The following ACAD9 variants were observed in gnomAD, a reference collection of about 807,000 sequenced individuals.
The protein encoded by ACAD9 is acyl-CoA dehydrogenase family member 9.
Under a neutral mutation model 70.2 loss-of-function variants are expected in ACAD9, and 53 were observed. The ratio of observed to expected loss-of-function variants is 0.75; its 90% confidence interval spans 0.61 to 0.95. The LOEUF (loss-of-function observed/expected upper bound fraction) is 0.95, where lower values mean the gene tolerates loss of function less well. ACAD9 is among the 40% of genes least tolerant of loss of function. The pLI is 0.00. For missense variants in ACAD9, 777 were observed against 802.8 expected (o/e 0.97, Z 0.39); for synonymous variants, 313 against 312.1 (o/e 1.00, Z -0.03).
intron 1 of ACAD9, among the ~76,000 whole-genome samples, chr3:128,880,841 C>T (rs1295821444): frequency 6.6e-6 from 1 of 152,208 alleles, no homozygotes; most frequent in African/African-American, 2.4e-5. Flanking sequence ...AACACTTAGT[C>T]TTGTGACCTT....
intron 2 of ACAD9, among the ~76,000 whole-genome samples, chr3:128,887,717 G>T (rs1376623649): frequency 6.7e-6 from 1 of 149,632 alleles, no homozygotes; most frequent in African/African-American, 2.5e-5. Context: ...AGGAACAAAG[G>T]TCTCTTGGAA....
rs574477250 is a variant in ACAD9, at chr3:128,879,652, A to T, written c.-40A>T. On this transcript the variant is annotated 5_prime_UTR_variant, in exon 1 of 18. Coordinates refer to ENST00000308982, the MANE Select transcript of ACAD9 (RefSeq NM_014049.5). Reference sequence around the variant, plus strand: ...GTGTGTGTGTCCCTGCGGCGCTAAGAAGGGGAGACTGAGGCTGAGGCTGGG... The same window carrying T: ...GTGTGTGTGTCCCTGCGGCGCTAAGTAGGGGAGACTGAGGCTGAGGCTGGG... 1 of 1,602,794 alleles carries T rather than the reference A, an allele frequency of 6.2e-7. No homozygotes were observed. The highest frequency in any genetic ancestry group is 1.4e-5 in the African/African-American group (1 of 72,524).
chr3:128,910,338 G>A (rs1205124381), intron 16 of ACAD9, 189 bp downstream of exon 16: 2 of 1,473,930 alleles, frequency 1.4e-6, no homozygotes, highest in Non-Finnish European at 1.8e-6. Context: ...TCCTGACTGA[G>A]AGAAGAGGGG....
chr3:128,910,717 C>G, intron 16 of ACAD9, 24 bp from the exon 17 acceptor site: 1 of 1,613,968 alleles, frequency 6.2e-7, no homozygotes, highest in Non-Finnish European at 8.5e-7. Flanking sequence ...TTGGGCATAT[C>G]TTTTCTGTCC....
intron 12 of ACAD9, 140 bp from the exon 13 acceptor site, chr3:128,908,045 C>T (rs931520274): frequency 5.8e-5 from 48 of 827,178 alleles, no homozygotes; most frequent in Admixed American, 1.6e-4. Context: ...TGGCCAGAGC[C>T]CTGCTCCCAG....
At chr3:128,900,777 C>T (rs1935715840) in intron 7 of ACAD9, among the ~76,000 whole-genome samples, 1 of 152,092 alleles carries the variant, frequency 6.6e-6, no homozygotes, top group Admixed American at 6.6e-5. Flanking sequence ...GTCCATCCCT[C>T]CTCACAGTGG....
rs1286137677 is a variant in ACAD9, at chr3:128,892,483, T to A, written c.245-1072T>A. ...ATTTGATGCATACAAAAGTGTGCAA[T>A]TATAGGTCTAATGCTATGCTATTGA... On this transcript the variant is annotated intron_variant, in intron 2 of 17. Coordinates refer to ENST00000308982, the MANE Select transcript of ACAD9 (RefSeq NM_014049.5). Among the ~76,000 whole-genome samples the A allele has an allele frequency of 3.9e-5, 6 of 152,178 alleles. No individual in the cohort carries two copies. In the East Asian group the frequency reaches 1.2e-3, roughly 29 times the overall value.
chr3:128,897,858 T>G, intron 6 of ACAD9, 148 bp downstream of exon 6: 1 of 770,182 alleles, frequency 1.3e-6, no homozygotes, highest in Admixed American at 2.2e-5. Context: ...GTTTTTAATT[T>G]TTTTTAGTTT....
At chr3:128,910,222 G>C in intron 16 of ACAD9, 73 bp downstream of exon 16, 3 of 1,606,870 alleles carry the variant, frequency 1.9e-6, no homozygotes, top group Non-Finnish European at 2.5e-6. Context: ...GAAGTTGATT[G>C]TTGAGGAGGG....
Position 128,912,650 on chromosome 3 carries a change from G to T in ACAD9, c.*43G>T. ...CCTGCTACCGCCCGCCCCTACCCATGGCCCGTTGCTGGATGACTGTTACTC... is the reference window on the plus strand; with the variant it reads ...CCTGCTACCGCCCGCCCCTACCCATTGCCCGTTGCTGGATGACTGTTACTC... On this transcript the variant is annotated 3_prime_UTR_variant, in exon 18 of 18. Transcript: ENST00000308982. The T allele has an allele frequency of 6.6e-7, 1 of 1,509,944 alleles. No individual in the cohort carries two copies. 93.5% of individuals were successfully genotyped at this position (1,509,944 alleles called of 1,614,324 possible). A position where few individuals can be genotyped will look rare whatever the true frequency, so the allele number is the denominator to read the frequency against.
intron 2 of ACAD9, among the ~76,000 whole-genome samples, chr3:128,891,933 G>C (rs1935432515): frequency 6.6e-6 from 1 of 152,184 alleles, no homozygotes; most frequent in South Asian, 2.1e-4. Context: ...TGGATAAACA[G>C]TTGTACACCC....
intron 12 of ACAD9, among the ~76,000 whole-genome samples, chr3:128,907,462 C>T (rs1048165520): frequency 3.9e-5 from 6 of 152,152 alleles, no homozygotes; most frequent in Non-Finnish European, 5.9e-5. Flanking sequence ...ACAGGGCTCT[C>T]GATGTAGGGT....
intron 2 of ACAD9, among the ~76,000 whole-genome samples, chr3:128,888,572 CCATCT>C (rs1268517954): frequency 1.3e-5 from 2 of 151,802 alleles, no homozygotes; most frequent in East Asian, 3.9e-4. Flanking sequence ...GAGTGAGACT[CCATCT>C]CAAAAAAAAA....
chr3:128,889,545 T>C (rs1469636457), intron 2 of ACAD9, among the ~76,000 whole-genome samples: 1 of 151,896 alleles, frequency 6.6e-6, no homozygotes, highest in Non-Finnish European at 1.5e-5. Flanking sequence ...ATTTCCCCCC[T>C]GTTTCCAGGC....
chr3:128,888,332 G>T (rs1360330795), intron 2 of ACAD9, among the ~76,000 whole-genome samples: 1 of 152,088 alleles, frequency 6.6e-6, no homozygotes, highest in Admixed American at 6.6e-5. Context: ...CAATCCCAGC[G>T]CTTTGGGAGG....
At chr3:128,911,451 G>A (rs1022087988) in intron 17 of ACAD9, among the ~76,000 whole-genome samples, 4 of 151,334 alleles carry the variant, frequency 2.6e-5, no homozygotes, top group African/African-American at 9.7e-5. Context: ...TCTTTTTTTT[G>A]GAGACATAGT....
intron 2 of ACAD9, among the ~76,000 whole-genome samples, chr3:128,886,852 C>T (rs540767963): frequency 1.3e-4 from 19 of 149,636 alleles, no homozygotes; most frequent in South Asian, 1.1e-3. Flanking sequence ...TGTTTGTGCA[C>T]GTAACCTCTG....
Position 128,906,202 on chromosome 3 carries a change from C to T in ACAD9, c.1231C>T (p.Pro411Ser). 6.2e-7 allele frequency: 1 copy of T among 1,614,206 alleles called. No homozygotes were observed. Among genetic ancestry groups the T allele is most frequent in the Non-Finnish European group, 8.5e-7 (1 of 1,180,044 alleles). Residue 411 changes from proline (P) to serine (S), a missense_variant, in exon 12 of 18, where the codon CCG becomes TCG. Pro to Ser is a moderately conservative substitution (Grantham distance 74). Transcript: ENST00000308982. Reference protein sequence around the residue: ...LGGLGYTRDYPYERILRDTRI... With the variant: ...LGGLGYTRDYSYERILRDTRI... ...GGGCTTGGGCTACACAAGGGACTATCCGTACGAGCGCATACTGCGTGACAC... is the reference window on the plus strand; with the variant it reads ...GGGCTTGGGCTACACAAGGGACTATTCGTACGAGCGCATACTGCGTGACAC...
At chr3:128,894,258 CAG>C (rs1313070693) in intron 3 of ACAD9, among the ~76,000 whole-genome samples, 2 of 152,160 alleles carry the variant, frequency 1.3e-5, no homozygotes, top group South Asian at 2.1e-4. Flanking sequence ...ACCCCCAAAA[CAG>C]AAAACAATCC....
Sources: allele counts gnomAD v4.1 joint callset (sites outside exome capture counted in the v4.1 genomes callset), GRCh38; gene constraint gnomAD v4.1.1; transcripts MANE v1.5; gene names NCBI Gene and HGNC (gene_info 2026-07-23, HGNC 2026-07-21).